The following TBPL2 variants were observed in gnomAD, a reference collection of about 807,000 sequenced individuals.
TBPL2 encodes TATA box-binding protein-like 2.
In TBPL2, 40 loss-of-function variants were observed where a neutral mutation model predicts 38.2. That is an observed-to-expected ratio of 1.05 (90% CI 0.81 to 1.36). The LOEUF is 1.36. Ranked by LOEUF, TBPL2 falls within the 40% of genes most tolerant of loss-of-function variation. TBPL2 has a pLI of 0.00. For missense variants in TBPL2, 461 were observed against 456.7 expected (o/e 1.01, Z -0.09); for synonymous variants, 169 against 171.7 (o/e 0.98, Z 0.12).
intron 1 of TBPL2, among the ~76,000 whole-genome samples, chr14:55,438,187 G>C (rs191147321): frequency 6.6e-6 from 1 of 152,256 alleles, no homozygotes. Flanking sequence ...GGAATGCACC[G>C]TGTTGCATCT....
At position 55,427,780 on chromosome 14, in the gene TBPL2, C is replaced by A. The variant is rs1263272866; in HGVS notation, c.956+1027G>T. On this transcript the variant is annotated intron_variant, in intron 5 of 6. Coordinates refer to ENST00000247219, the Ensembl canonical transcript of TBPL2. ...AAGTCAGGAAGGCTAGAGATATTCC[C>A]TAGGAAAAGGAATATACTACAGGCA... is the stretch of plus-strand genomic sequence containing the variant. Among the ~76,000 whole-genome samples the A allele has an allele frequency of 2.6e-5, 4 of 151,726 alleles. 1 individual carries two copies. The South Asian group carries it at 8.3e-4, about 32-fold the overall frequency.
intron 1 of TBPL2, among the ~76,000 whole-genome samples, chr14:55,437,789 T>C (rs1483191311): frequency 6.6e-6 from 1 of 152,248 alleles, no homozygotes; most frequent in Non-Finnish European, 1.5e-5. Context: ...TATAGTTGAA[T>C]GCTAATCAAG....
intron 1 of TBPL2, among the ~76,000 whole-genome samples, chr14:55,438,471 G>A (rs187662067): frequency 6.6e-6 from 1 of 152,256 alleles, no homozygotes; most frequent in Admixed American, 6.5e-5. Context: ...CCACTGCAGG[G>A]TTTCCTTGGT....
At chr14:55,433,580 T>C (rs764974860) in intron 4 of TBPL2, 50 bp downstream of exon 4, 2 of 1,535,932 alleles carry the variant, frequency 1.3e-6, no homozygotes, top group African/African-American at 2.7e-5. Context: ...TTCCTTGTTT[T>C]ACATACTAAA....
intron 6 of TBPL2, among the ~76,000 whole-genome samples, chr14:55,416,770 A>C (rs1885675281): frequency 6.6e-6 from 1 of 152,232 alleles, no homozygotes; most frequent in South Asian, 2.1e-4. Flanking sequence ...GTTAGCAGAC[A>C]ATGAAGCATA....
At chr14:55,440,496 C>T in exon 1 of TBPL2, 1 of 1,612,328 alleles carries the variant, frequency 6.2e-7, no homozygotes, top group African/African-American at 1.3e-5. Context: ...AGAGGGTAAG[C>T]GCGGAGCGAG....
At chr14:55,421,281 A>G (rs1244651273) in intron 6 of TBPL2, among the ~76,000 whole-genome samples, 1 of 152,110 alleles carries the variant, frequency 6.6e-6, no homozygotes, top group Non-Finnish European at 1.5e-5. Flanking sequence ...TGCCTCTGAT[A>G]TCTACACTAT....
chr14:55,421,655 G>T (rs1306298245), intron 6 of TBPL2, among the ~76,000 whole-genome samples: 1 of 152,132 alleles, frequency 6.6e-6, no homozygotes, highest in Non-Finnish European at 1.5e-5. Context: ...TAGAGATGGG[G>T]TTTCACCATG....
chr14:55,428,746 A>G, intron 5 of TBPL2, 61 bp downstream of exon 5: 1 of 1,518,362 alleles, frequency 6.6e-7, no homozygotes, highest in Non-Finnish European at 8.9e-7. Flanking sequence ...TACGTAAGCA[A>G]CCCATAATGT....
At chr14:55,428,721 C>T (rs1885872877) in intron 5 of TBPL2, 86 bp downstream of exon 5, 5 of 1,332,966 alleles carry the variant, frequency 3.8e-6, no homozygotes, top group Non-Finnish European at 5.1e-6. Flanking sequence ...ATCACAATTT[C>T]TCTGAAAGAT....
intron 4 of TBPL2, 113 bp downstream of exon 4, chr14:55,433,517 G>A (rs1047375938): frequency 3.1e-6 from 3 of 977,220 alleles, no homozygotes; most frequent in Non-Finnish European, 4.7e-6. Flanking sequence ...AAAGTCTTCA[G>A]CAAAGAAAGG....
chr14:55,420,634 G>T (rs969218041), intron 6 of TBPL2, among the ~76,000 whole-genome samples: 4 of 152,176 alleles, frequency 2.6e-5, no homozygotes, highest in Non-Finnish European at 5.9e-5. Flanking sequence ...TGTCTTGCAA[G>T]AAATTTAAAT....
In TBPL2 at chr14:55,428,985, G is replaced by A; in HGVS notation, c.789-11C>T. 1 of 1,613,512 alleles carries A rather than the reference G, an allele frequency of 6.2e-7. No homozygotes were observed. On this transcript the variant is annotated splice_polypyrimidine_tract_variant and intron_variant, in intron 4 of 6. Coordinates refer to ENST00000247219, the Ensembl canonical transcript of TBPL2. The stretch of plus-strand genomic sequence containing the variant: ...CGAGACTGCTCTTCACTGGGGAGGG[G>A]CAAATATGTTTAAAGATGTCTTAAT...
chr14:55,425,161 G>C (rs1885801925), intron 5 of TBPL2, among the ~76,000 whole-genome samples: 2 of 152,218 alleles, frequency 1.3e-5, no homozygotes, highest in African/African-American at 2.4e-5. Flanking sequence ...GGCGCATCTT[G>C]AAGTGAGTCT....
intron 3 of TBPL2, among the ~76,000 whole-genome samples, chr14:55,435,371 G>C (rs1247324764): frequency 6.6e-6 from 1 of 150,782 alleles, no homozygotes; most frequent in Admixed American, 6.6e-5. Flanking sequence ...TGCCTCCTGG[G>C]TTCAAGTGAT....
exon 2 of TBPL2, chr14:55,436,575 A>C: frequency 6.2e-7 from 1 of 1,613,940 alleles, no homozygotes; most frequent in African/African-American, 1.3e-5. Flanking sequence ...GTTGAGGTAC[A>C]ATTCCACAAC....
At chr14:55,426,145 T>A (rs1188253442) in intron 5 of TBPL2, among the ~76,000 whole-genome samples, 1 of 151,774 alleles carries the variant, frequency 6.6e-6, no homozygotes, top group Non-Finnish European at 1.5e-5. Flanking sequence ...TGGGTGCCTA[T>A]AATACCAGCT....
At position 55,414,278 on chromosome 14, in the gene TBPL2, C is replaced by T. The variant is rs1045030116; in HGVS notation, c.*101G>A. The T allele has an allele frequency of 1.4e-5, 13 of 903,704 alleles. No homozygotes were observed. The Admixed American group carries it at 1.5e-4, about 10-fold the overall frequency. The allele number at this position is 903,704 out of a possible 1,614,324, so 56.0% of individuals were successfully genotyped here. Reference sequence around the variant, plus strand: ...GAGTCGCCCTTTAATAAGTAACGTACTTGTAACATCTACAATTAAACGTAG... The same window carrying T: ...GAGTCGCCCTTTAATAAGTAACGTATTTGTAACATCTACAATTAAACGTAG... On this transcript the variant is annotated 3_prime_UTR_variant, in exon 7 of 7. Coordinates refer to ENST00000247219, the Ensembl canonical transcript of TBPL2.
At chr14:55,414,296 A>T in exon 7 of TBPL2, 1 of 1,058,454 alleles carries the variant, frequency 9.4e-7, no homozygotes, top group Non-Finnish European at 1.4e-6. Context: ...ATCTACAATT[A>T]AACGTAGAAG....
Sources: gnomAD v4.1 joint callset for allele counts (sites outside exome capture counted in the v4.1 genomes callset) on GRCh38, gnomAD v4.1.1 for gene constraint, MANE v1.5 for transcripts, NCBI Gene and HGNC (gene_info 2026-07-23, HGNC 2026-07-21) for gene names.